ALG13: variants seen among roughly 807,000 people sequenced by gnomAD.
ALG13 encodes ALG13 UDP-N-acetylglucosaminyltransferase subunit.
A neutral mutation model predicts 87.8 loss-of-function variants in ALG13; 11 were observed. The observed-to-expected ratio is 0.13, with a 90% CI of 0.08 to 0.21. ALG13 has a LOEUF of 0.21. Ranked by LOEUF, ALG13 falls within the 10% of genes least tolerant of loss-of-function variation. ALG13 has a pLI of 1.00. For missense variants in ALG13, 756 were observed against 866.1 expected (o/e 0.87, Z 1.60); for synonymous variants, 320 against 306.3 (o/e 1.04, Z -0.47).
intron 5 of ALG13, 53 bp downstream of exon 5, chrX:111,709,101 A>AAAATAATTG (rs749437589): frequency 1.6e-4 from 121 of 772,598 alleles, no homozygotes; most frequent in Non-Finnish European, 2.1e-4. Flanking sequence ...AGCAGGTGGA[A>AAAATAATTG]AAATAATTGT....
intron 3 of ALG13, among the ~76,000 whole-genome samples, chrX:111,692,813 C>T (rs190824459): frequency 2.9e-4 from 32 of 110,732 alleles, no homozygotes; most frequent in African/African-American, 1.0e-3. Context: ...TTTTTTTTTC[C>T]TTTGAGACAG....
rs755980333 is a variant in ALG13 at position 111,708,125 on chromosome X, ACT to A, written c.483_484del (p.Phe162TrpfsTer9). 1 of 1,211,478 alleles carries A rather than the reference ACT, an allele frequency of 8.3e-7. No individual in the cohort carries two copies. The highest frequency in any genetic ancestry group is 2.2e-5 in the Admixed American group (1 of 46,016). ...ACTTCAACTGCCTTTTCAGGCCTAG[ACT>A]TTGGGCTGCTTTCCGGATACCTGCA... On this transcript the variant is annotated frameshift_variant, in exon 4 of 27. Coordinates refer to ENST00000394780, the MANE Select transcript of ALG13 (RefSeq NM_001099922.3). LOFTEE classifies it high-confidence loss of function.
At chrX:111,710,320 ACTGC>A (rs1939533934) in intron 5 of ALG13, among the ~76,000 whole-genome samples, 1 of 111,584 alleles carries the variant, frequency 9.0e-6, no homozygotes, top group African/African-American at 3.3e-5. Context: ...AGTGTGAGCC[ACTGC>A]GTGCAGTGGA....
chrX:111,759,644 C>T (rs1945578667), intron 26 of ALG13, 90 bp from the exon 27 acceptor site: 1 of 756,193 alleles, frequency 1.3e-6, no homozygotes, highest in East Asian at 3.5e-5. Context: ...GTTTTATTTT[C>T]ACACATAAGA....
chrX:111,723,570 G>GA (rs201015901), intron 13 of ALG13, among the ~76,000 whole-genome samples: 121 of 106,545 alleles, frequency 1.1e-3, no homozygotes, highest in Admixed American at 5.4e-3. Context: ...ACACCCAGCC[G>GA]AAAAAAAAAA....
intron 25 of ALG13, among the ~76,000 whole-genome samples, chrX:111,756,411 TATAAAA>T (rs1258005107): frequency 5.4e-5 from 6 of 111,584 alleles, no homozygotes; most frequent in Non-Finnish European, 1.1e-4. Context: ...GTGTAATAAA[TATAAAA>T]ATAAAAATAG....
chrX:111,712,654 G>A (rs1215086977), intron 7 of ALG13, 124 bp downstream of exon 7: 1 of 364,826 alleles, frequency 2.7e-6, no homozygotes, highest in Non-Finnish European at 4.8e-6. Flanking sequence ...AATGAAGAAA[G>A]CTAAGAAAAA....
intron 3 of ALG13, among the ~76,000 whole-genome samples, chrX:111,687,517 C>T (rs964154313): frequency 1.8e-5 from 2 of 111,800 alleles, no homozygotes; most frequent in African/African-American, 6.5e-5. Context: ...TGTCTGGCAG[C>T]TATTACTTTT....
chrX:111,713,130 G>T, intron 7 of ALG13, 95 bp from the exon 8 acceptor site: 1 of 534,758 alleles, frequency 1.9e-6, no homozygotes, highest in Non-Finnish European at 3.2e-6. Context: ...TATGAATAAG[G>T]TAGGCAACTT....
intron 23 of ALG13, among the ~76,000 whole-genome samples, chrX:111,741,677 G>GT (rs1943749650): frequency 9.1e-6 from 1 of 110,409 alleles, no homozygotes; most frequent in Non-Finnish European, 1.9e-5. Context: ...GCCAGGCATG[G>GT]TGGCACATGC....
chrX:111,705,479 T>C (rs772396462), intron 3 of ALG13, among the ~76,000 whole-genome samples: 2 of 112,187 alleles, frequency 1.8e-5, no homozygotes, highest in African/African-American at 6.5e-5. Context: ...GTTTTTAATT[T>C]TGATAAAATC....
intron 24 of ALG13, among the ~76,000 whole-genome samples, chrX:111,745,146 G>GTTTT (rs778208238): frequency 9.0e-6 from 1 of 111,300 alleles, no homozygotes; most frequent in Admixed American, 9.6e-5. Context: ...GTTTTGTTTT[G>GTTTT]TTTTGGTAGC....
rs1569522062 is a variant in ALG13 at position 111,744,796 on chromosome X, CCTCCTCCTCCTG to C, written c.2828_2839del (p.Pro943_Ala946del). ...TCCTCCTCCTCCTCCTCCTCCTCCT[CCTCCTCCTCCTG>C]CTCTTGATGTGGGAGAGACTTCAAA... On this transcript the variant is annotated inframe_deletion, in exon 24 of 27. Transcript: ENST00000394780. 1.8e-6 allele frequency: 2 copies of C among 1,130,344 alleles called. No individual in the cohort carries two copies. Among genetic ancestry groups the C allele is most frequent in the Non-Finnish European group, 2.4e-6 (2 of 850,800 alleles). 93.2% of individuals were successfully genotyped at this position (1,130,344 alleles called of 1,213,427 possible). A position where few individuals can be genotyped will look rare whatever the true frequency, so the allele number is the denominator to read the frequency against.
At position 111,721,731 on chromosome X, in the gene ALG13, A is replaced by T; in HGVS notation, c.1435+20A>T. 1 of 1,049,822 alleles carries T rather than the reference A, an allele frequency of 9.5e-7. No individual in the cohort carries two copies. Among genetic ancestry groups the T allele is most frequent in the Non-Finnish European group, 1.3e-6 (1 of 758,747 alleles). The allele number at this position is 1,049,822 out of a possible 1,213,427, so 86.5% of individuals were successfully genotyped here. A position where few individuals can be genotyped will look rare whatever the true frequency, so the allele number is the denominator to read the frequency against. Reference sequence around the variant, plus strand: ...GAAAAGGTAAAGAAATATCAACAGGATACTTTTGAATCCTGACAAATCCAG... The same window carrying T: ...GAAAAGGTAAAGAAATATCAACAGGTTACTTTTGAATCCTGACAAATCCAG... On this transcript the variant is annotated intron_variant, in intron 12 of 26. Coordinates refer to ENST00000394780, the MANE Select transcript of ALG13 (RefSeq NM_001099922.3).
At chrX:111,691,531 T>A (rs1463327696) in intron 3 of ALG13, among the ~76,000 whole-genome samples, 1 of 112,621 alleles carries the variant, frequency 8.9e-6, no homozygotes, top group Non-Finnish European at 1.9e-5. Flanking sequence ...AATATTCCTG[T>A]GCAATAATTG....
At chrX:111,722,090 A>G (rs773118362) in intron 12 of ALG13, among the ~76,000 whole-genome samples, 2 of 112,178 alleles carry the variant, frequency 1.8e-5, no homozygotes, top group South Asian at 3.7e-4. Flanking sequence ...TATGTGGTCT[A>G]TGAGCTAAGA....
At position 111,718,385 on chromosome X, in the gene ALG13, C is replaced by T. The variant is rs116840628; in HGVS notation, c.1250+111C>T. The T allele has an allele frequency of 6.6e-3, 3,932 of 595,707 alleles. 106 individuals are homozygous for T. In the African/African-American group the frequency reaches 0.081, roughly 12 times the overall value. 49.1% of individuals were successfully genotyped at this position (595,707 alleles called of 1,213,427 possible). On this transcript the variant is annotated intron_variant, in intron 10 of 26. Coordinates refer to ENST00000394780, the MANE Select transcript of ALG13 (RefSeq NM_001099922.3). ...TTATGAGTTAGGTTACATATTCACA[C>T]GTACACATATGTTAGGATATATATT... is the stretch of plus-strand genomic sequence containing the variant.
chrX:111,728,924 T>C lies in ALG13; in HGVS notation c.2368+619T>C, dbSNP rs148952954. Among the ~76,000 whole-genome samples the C allele has an allele frequency of 7.0e-3, 782 of 111,794 alleles. 4 individuals carry two copies. The highest frequency in any genetic ancestry group is 0.024 in the African/African-American group (749 of 30,791). On this transcript the variant is annotated intron_variant, in intron 19 of 26. Coordinates refer to ENST00000394780, the MANE Select transcript of ALG13 (RefSeq NM_001099922.3). ...ATATCCTTGGTAAATGGCAGAGATA[T>C]AATTTTTTGTAACTTTTATTGAGAT...
At chrX:111,693,845 GA>G (rs1602556651) in intron 3 of ALG13, among the ~76,000 whole-genome samples, 1 of 110,406 alleles carries the variant, frequency 9.1e-6, no homozygotes, top group Non-Finnish European at 1.9e-5. Flanking sequence ...ATTTTGCAGT[GA>G]CTTTCAGAAA....
Sources: allele counts gnomAD v4.1 joint callset (sites outside exome capture counted in the v4.1 genomes callset), GRCh38; gene constraint gnomAD v4.1.1; transcripts MANE v1.5; gene names NCBI Gene and HGNC (gene_info 2026-07-23, HGNC 2026-07-21).